The following NXPE2 variants were observed in gnomAD, a reference collection of about 807,000 sequenced individuals.
The protein encoded by NXPE2 is neurexophilin and PC-esterase domain family member 2, also known as NXPE family member 2.
Under a neutral mutation model 34.4 loss-of-function variants are expected in NXPE2, and 34 were observed. The observed-to-expected ratio is 0.99, with a 90% confidence interval of 0.75 to 1.31. NXPE2 has a LOEUF of 1.31. Ranked by LOEUF, NXPE2 falls within the 40% of genes most tolerant of loss-of-function variation. The pLI is 0.00. For synonymous variants in NXPE2, 235 were observed against 231.3 expected, an observed-to-expected ratio of 1.02 and a Z score of -0.15; for missense variants, 649 against 672.5, an observed-to-expected ratio of 0.97 and a Z score of 0.39.
chr11:114,587,973 G>T, the NXPE2 span, among the ~76,000 whole-genome samples: 44 of 152,254 alleles, frequency 2.9e-4, no homozygotes, highest in Non-Finnish European at 5.4e-4. Context: ...TTCTGTAGAT[G>T]GGACAGCAAA....
the NXPE2 span, among the ~76,000 whole-genome samples, chr11:114,499,295 T>C: frequency 1.3e-5 from 2 of 152,164 alleles, no homozygotes; most frequent in Non-Finnish European, 2.9e-5. Flanking sequence ...GTCCATTTTA[T>C]TGATATTTGC....
At chr11:114,604,919 G>C in the NXPE2 span, among the ~76,000 whole-genome samples, 3 of 151,960 alleles carry the variant, frequency 2.0e-5, no homozygotes, top group Non-Finnish European at 4.4e-5. Flanking sequence ...AATTAGTGTT[G>C]CCTCTAGGGT....
chr11:114,603,729 C>G, the NXPE2 span, among the ~76,000 whole-genome samples: 2 of 151,506 alleles, frequency 1.3e-5, no homozygotes, highest in Non-Finnish European at 2.9e-5. Context: ...TAGTTAACTC[C>G]TATTACCCAG....
chr11:114,705,699 A>G, intron 4 of NXPE2, 82 bp from the exon 5 acceptor site: 1 of 839,222 alleles, frequency 1.2e-6, no homozygotes. Flanking sequence ...AAAAGAGGAA[A>G]AGGAAGGCAA....
At chr11:114,779,580 C>A in the NXPE2 span, among the ~76,000 whole-genome samples, 1 of 152,134 alleles carries the variant, frequency 6.6e-6, no homozygotes, top group African/African-American at 2.4e-5. Flanking sequence ...GGGACTTCTG[C>A]TCTGATTTCC....
the NXPE2 span, among the ~76,000 whole-genome samples, chr11:114,786,737 C>T: frequency 1.3e-5 from 2 of 152,244 alleles, no homozygotes; most frequent in East Asian, 3.9e-4. Flanking sequence ...AGGGCTAATG[C>T]AGTCTGCCCT....
At chr11:114,764,755 G>A in the NXPE2 span, among the ~76,000 whole-genome samples, 1 of 152,100 alleles carries the variant, frequency 6.6e-6, no homozygotes, top group Non-Finnish European at 1.5e-5. Context: ...GCTAAGTTAT[G>A]ATGCAATAAC....
chr11:114,486,246 T>G, the NXPE2 span, among the ~76,000 whole-genome samples: 1 of 152,326 alleles, frequency 6.6e-6, no homozygotes, highest in Middle Eastern at 3.4e-3. Flanking sequence ...TCTCTGATGA[T>G]CAATAAGGTT....
the NXPE2 span, among the ~76,000 whole-genome samples, chr11:114,663,227 A>T: frequency 6.6e-6 from 1 of 152,106 alleles, no homozygotes; most frequent in Non-Finnish European, 1.5e-5. Context: ...GGGGAAGGGA[A>T]AAGAGGGGAG....
chr11:114,736,710 G>A, the NXPE2 span, among the ~76,000 whole-genome samples: 6 of 152,266 alleles, frequency 3.9e-5, no homozygotes, highest in African/African-American at 1.4e-4. Flanking sequence ...GAAATCACAA[G>A]GGTATTGATT....
At chr11:114,520,271 T>G in the NXPE2 span, among the ~76,000 whole-genome samples, 1 of 152,188 alleles carries the variant, frequency 6.6e-6, no homozygotes, top group Non-Finnish European at 1.5e-5. Context: ...TTTCTCTTCC[T>G]CCCAGCCTGG....
the NXPE2 span, among the ~76,000 whole-genome samples, chr11:114,771,497 A>C: frequency 6.6e-6 from 1 of 151,918 alleles, no homozygotes; most frequent in African/African-American, 2.4e-5. Context: ...CTTAAAGGTG[A>C]GAAAGATGCC....
the NXPE2 span, among the ~76,000 whole-genome samples, chr11:114,803,063 A>C: frequency 2.0e-5 from 3 of 152,112 alleles, no homozygotes. Flanking sequence ...TTCTCCACCA[A>C]CCTGTCTACT....
the NXPE2 span, among the ~76,000 whole-genome samples, chr11:114,654,447 C>T: frequency 7.9e-5 from 12 of 151,984 alleles, no homozygotes; most frequent in Admixed American, 6.6e-4. Flanking sequence ...CACCTATTGA[C>T]CCATCTTCTA....
the NXPE2 span, among the ~76,000 whole-genome samples, chr11:114,780,955 G>T: frequency 6.6e-6 from 1 of 152,190 alleles, no homozygotes; most frequent in Non-Finnish European, 1.5e-5. Context: ...TGCAGTGAGG[G>T]AGTGCAGCGG....
chr11:114,582,203 A>G, the NXPE2 span: 4 of 1,411,254 alleles, frequency 2.8e-6, no homozygotes, highest in Non-Finnish European at 2.8e-6. Flanking sequence ...CAAAATTAAT[A>G]CACTCACAAG....
the NXPE2 span, among the ~76,000 whole-genome samples, chr11:114,661,971 G>A: frequency 6.6e-6 from 1 of 152,146 alleles, no homozygotes; most frequent in Non-Finnish European, 1.5e-5. Flanking sequence ...CCTGTAGGAG[G>A]TGGGGTAAGA....
chr11:114,478,592 C>T, the NXPE2 span, among the ~76,000 whole-genome samples: 4 of 152,088 alleles, frequency 2.6e-5, no homozygotes, highest in Non-Finnish European at 5.9e-5. Flanking sequence ...TATTTCTGTT[C>T]ATTTGATCTC....
chr11:114,608,874 G>T, the NXPE2 span, among the ~76,000 whole-genome samples: 212 of 151,890 alleles, frequency 1.4e-3, 4 homozygotes, highest in Middle Eastern at 6.8e-3. Flanking sequence ...CTCTTACCCG[G>T]TGGATACCAA....
Sources: allele counts gnomAD v4.1 joint callset (sites outside exome capture counted in the v4.1 genomes callset), GRCh38; gene constraint gnomAD v4.1.1; transcripts MANE v1.5; gene names NCBI Gene and HGNC (gene_info 2026-07-23, HGNC 2026-07-21).